The following CDH22 variants were observed in gnomAD, a reference collection of about 807,000 sequenced individuals.
The protein encoded by CDH22 is cadherin 22.
CDH22 carries 30 observed loss-of-function variants against 58.4 expected under a neutral mutation model. The observed-to-expected ratio is 0.51, with a 90% CI of 0.38 to 0.70. CDH22 has a LOEUF of 0.70. Ranked by LOEUF, CDH22 falls within the 30% of genes least tolerant of loss-of-function variation. The probability of loss-of-function intolerance (pLI) is 0.00; values close to 1 mark genes in which losing one functional copy is unlikely to be tolerated. For missense variants in CDH22, 1,014 were observed against 1,233.9 expected (o/e 0.82, Z 2.67); for synonymous variants, 513 against 558.2 (o/e 0.92, Z 1.14).
rs1600698026 is a variant in CDH22 at position 46,210,084 on chromosome 20, G to A, written c.1286+223C>T. 4.6e-6 allele frequency: 2 copies of A among 438,900 alleles called. No homozygotes were observed. Among genetic ancestry groups the A allele is most frequent in the Non-Finnish European group, 8.0e-6 (2 of 250,614 alleles). 27.2% of individuals were successfully genotyped at this position (438,900 alleles called of 1,614,324 possible). On this transcript the variant is annotated intron_variant, in intron 7 of 11. Transcript: ENST00000537909. The surrounding 1 kb of genome is among the most constrained non-coding windows in gnomAD (Gnocchi z 4.5). ...GTTCTCTCCCTTATTGGCCTGGCTCGCCTGCCTGTCTCATTGACTGTTCTC... is the reference window on the plus strand; with the variant it reads ...GTTCTCTCCCTTATTGGCCTGGCTCACCTGCCTGTCTCATTGACTGTTCTC...
chr20:46,210,704 A>C lies in CDH22; in HGVS notation c.1033-144T>G. The C allele has an allele frequency of 1.4e-6, 1 of 724,830 alleles. No individual in the cohort carries two copies. Among genetic ancestry groups the C allele is most frequent in the Non-Finnish European group, 2.0e-6 (1 of 497,640 alleles). The allele number at this position is 724,830 out of a possible 1,614,324, so 44.9% of individuals were successfully genotyped here. ...GGCAGGGATGTTTGGGCTGCATTGC[A>C]GAACTGACCCAGACCAACCCGGTGG... On this transcript the variant is annotated intron_variant, in intron 6 of 11. Transcript: ENST00000537909. The surrounding 1 kb of genome is among the most constrained non-coding windows in gnomAD (Gnocchi z 4.5).
chr20:46,251,149 G>A lies in CDH22; in HGVS notation c.146C>T (p.Ala49Val), dbSNP rs756360868. Residue 49 changes from alanine to valine, a missense_variant, in exon 2 of 12, where the codon GCT (alanine) becomes GTT (valine). This residue lies in a region of CDH22 where 806 missense variants were observed against 1,038.7 expected (regional missense o/e 0.78). Transcript: ENST00000537909. This position sits in a 1 kb window ranked among gnomAD's most constrained non-coding sequence, Gnocchi z 6.7. ...GGCTCCCAGCGCGCCGTCCTGCCGA[G>A]CTCCGGGCGCCGACGGCGAGGGTGT... ...AGTPSPSAPG[A>V]RQDGALGAGR... is the part of the protein sequence containing the mutation. 1.3e-6 allele frequency: 2 copies of A among 1,593,950 alleles called. No individual in the cohort carries two copies. Among genetic ancestry groups the A allele is most frequent in the Non-Finnish European group, 8.5e-7 (1 of 1,171,462 alleles).
intron 4 of CDH22, among the ~76,000 whole-genome samples, chr20:46,221,488 A>G (rs925785432): frequency 1.1e-4 from 17 of 152,168 alleles, no homozygotes; most frequent in African/African-American, 4.1e-4. Flanking sequence ...TTCATCCTCC[A>G]GTAGGCTGGC....
At chr20:46,182,801 C>T (rs2145650194) in intron 10 of CDH22, among the ~76,000 whole-genome samples, 1 of 152,366 alleles carries the variant, frequency 6.6e-6, no homozygotes, top group Non-Finnish European at 1.5e-5. Context: ...ACTGGCTACA[C>T]ATTTGTACAA....
intron 1 of CDH22, among the ~76,000 whole-genome samples, chr20:46,256,837 C>CA (rs918186192): frequency 6.6e-6 from 1 of 151,932 alleles, no homozygotes; most frequent in East Asian, 1.9e-4. Context: ...CCTGTCTCTA[C>CA]AAAAAACTAT....
At chr20:46,277,201 G>A (rs182619885) in intron 1 of CDH22, among the ~76,000 whole-genome samples, 16 of 150,772 alleles carry the variant, frequency 1.1e-4, no homozygotes, top group Admixed American at 1.1e-3. Flanking sequence ...GGTGGCACAA[G>A]TACAAATCAG....
At chr20:46,263,596 TTAGGG>T (rs2086444676) in intron 1 of CDH22, among the ~76,000 whole-genome samples, 1 of 152,162 alleles carries the variant, frequency 6.6e-6, no homozygotes, top group South Asian at 2.1e-4. Flanking sequence ...GTGGGGCAAG[TTAGGG>T]AACAGTTCCC....
In CDH22 at chr20:46,251,347, C is replaced by T. The variant is rs922182368; in HGVS notation, c.-53G>A. ...GGAGCATGGACGAGAGGCACCAGGG[C>T]GCCGCTGCTTGGTCGCACAACGATG... On this transcript the variant is annotated 5_prime_UTR_variant, in exon 2 of 12. Coordinates refer to ENST00000537909, the MANE Select transcript of CDH22 (RefSeq NM_021248.3). This position sits in a 1 kb window ranked among gnomAD's most constrained non-coding sequence, Gnocchi z 6.7. 1.7e-5 allele frequency: 24 copies of T among 1,404,530 alleles called. No homozygotes were observed. The highest frequency in any genetic ancestry group is 2.1e-5 in the Non-Finnish European group (23 of 1,087,894). The allele number at this position is 1,404,530 out of a possible 1,614,324, so 87.0% of individuals were successfully genotyped here.
Position 46,300,819 on chromosome 20 carries a change from G to C in CDH22, c.-400+7436C>G, listed in dbSNP as rs957647532. Reference sequence around the variant, plus strand: ...GGTCCCTGAAGAAATCATCGGACAAGAGCGTGAAGATGTGTGTACAAGGAT... The same window carrying C: ...GGTCCCTGAAGAAATCATCGGACAACAGCGTGAAGATGTGTGTACAAGGAT... On this transcript the variant is annotated intron_variant, in intron 1 of 11. Transcript: ENST00000537909. The surrounding 1 kb of genome is among the most constrained non-coding windows in gnomAD (Gnocchi z 4.4). 1.3e-5 allele frequency among the ~76,000 whole-genome samples: 2 copies of C among 152,258 alleles called. No homozygotes were observed. The highest frequency in any genetic ancestry group is 2.9e-5 in the Non-Finnish European group (2 of 68,052).
chr20:46,199,666 C>T, intron 7 of CDH22, 107 bp from the exon 8 acceptor site: 1 of 1,370,666 alleles, frequency 7.3e-7, no homozygotes, highest in Non-Finnish European at 9.9e-7. Context: ...GCCTTGGACA[C>T]ACACAAGGGG....
intron 1 of CDH22, among the ~76,000 whole-genome samples, chr20:46,302,690 C>A (rs1272586898): frequency 6.6e-6 from 1 of 152,152 alleles, no homozygotes; most frequent in African/African-American, 2.4e-5. Context: ...GCCCAGAACT[C>A]TCTGAGTGGG....
intron 5 of CDH22, among the ~76,000 whole-genome samples, chr20:46,213,857 C>G (rs2086062351): frequency 6.6e-6 from 1 of 152,168 alleles, no homozygotes; most frequent in Admixed American, 6.5e-5. Flanking sequence ...AATCTCAGCT[C>G]TCATGTTGCT....
intron 4 of CDH22, among the ~76,000 whole-genome samples, chr20:46,226,961 T>C (rs2086179681): frequency 6.6e-6 from 1 of 152,132 alleles, no homozygotes; most frequent in Non-Finnish European, 1.5e-5. Flanking sequence ...TGCTGCACCA[T>C]CGTTTGGTGG....
chr20:46,188,030 A>G (rs930949837), intron 8 of CDH22, among the ~76,000 whole-genome samples: 1 of 152,206 alleles, frequency 6.6e-6, no homozygotes, highest in African/African-American at 2.4e-5. Flanking sequence ...CCAAGTTGGG[A>G]CGTCTTTAAG....
At chr20:46,220,292 G>A (rs1251197026) in intron 4 of CDH22, 1 of 151,130 alleles carries the variant, frequency 6.6e-6, no homozygotes, top group Non-Finnish European at 1.5e-5. Flanking sequence ...AAGAGGAAGA[G>A]AAAGAAAGGA....
intron 2 of CDH22, among the ~76,000 whole-genome samples, chr20:46,244,491 A>G (rs1388369281): frequency 6.6e-6 from 1 of 152,250 alleles, no homozygotes; most frequent in East Asian, 1.9e-4. Flanking sequence ...GGAGGCTGGA[A>G]GATGGTGCTC....
rs146250460 is a variant in CDH22, at chr20:46,239,447, C to T, written c.550+1516G>A. Reference sequence around the variant, plus strand: ...CCACTGTTCCCTATTTCCCCCTCATCCCTTGCCCACCATTCTCTCTGGTTC... The same window carrying T: ...CCACTGTTCCCTATTTCCCCCTCATTCCTTGCCCACCATTCTCTCTGGTTC... On this transcript the variant is annotated intron_variant, in intron 3 of 11. Transcript: ENST00000537909. Among the ~76,000 whole-genome samples the T allele has an allele frequency of 5.8e-3, 881 of 152,364 alleles. 4 individuals carry two copies. The highest frequency in any genetic ancestry group is 0.012 in the South Asian group (58 of 4,834).
chr20:46,291,278 AAAAT>A (rs562944148), intron 1 of CDH22, among the ~76,000 whole-genome samples: 5 of 152,170 alleles, frequency 3.3e-5, no homozygotes, highest in African/African-American at 7.2e-5. Context: ...TTCCATCTCA[AAAAT>A]AAATAAATAA....
chr20:46,205,836 G>A (rs535616502), intron 7 of CDH22, among the ~76,000 whole-genome samples: 13 of 152,214 alleles, frequency 8.5e-5, no homozygotes, highest in African/African-American at 2.9e-4. Flanking sequence ...AGCTGGTCTC[G>A]CTGCTCCTGA....
Sources: gnomAD v4.1 joint callset for allele counts (sites outside exome capture counted in the v4.1 genomes callset) on GRCh38, gnomAD v4.1.1 for gene constraint, gnomAD v4.1.1 regional missense constraint, Gnocchi (gnomAD v3.1) non-coding constraint, MANE v1.5 for transcripts, NCBI Gene and HGNC (gene_info 2026-07-23, HGNC 2026-07-21) for gene names.